Variants in TOPAZ1 observed in about 807,000 individuals in gnomAD.
TOPAZ1 encodes testis and ovary specific TOPAZ 1, also known as protein TOPAZ1.
In TOPAZ1, 66 loss-of-function variants were observed where a neutral mutation model predicts 172.2. The ratio of observed to expected loss-of-function variants is 0.38; its 90% CI spans 0.31 to 0.47. The LOEUF is 0.47. TOPAZ1 is among the 20% of genes least tolerant of loss of function. TOPAZ1 has a pLI of 0.99. For synonymous variants in TOPAZ1, 681 were observed against 683.9 expected (o/e 1.00, Z 0.07); for missense variants, 1,822 against 1,972.4 (o/e 0.92, Z 1.44).
intron 5 of TOPAZ1, among the ~76,000 whole-genome samples, chr3:44,262,969 T>C (rs989081729): frequency 1.3e-5 from 2 of 152,212 alleles, no homozygotes; most frequent in African/African-American, 4.8e-5. Flanking sequence ...GGACAGGTGA[T>C]GGATGCATTT....
chr3:44,313,146 T>A (rs1190480303), intron 16 of TOPAZ1, among the ~76,000 whole-genome samples: 1 of 152,190 alleles, frequency 6.6e-6, no homozygotes, highest in Non-Finnish European at 1.5e-5. Flanking sequence ...TTTTTCAGAT[T>A]TCAGTTGTAA....
intron 16 of TOPAZ1, among the ~76,000 whole-genome samples, chr3:44,312,185 T>A (rs1375250581): frequency 1.3e-5 from 2 of 150,078 alleles, no homozygotes; most frequent in East Asian, 1.9e-4. Context: ...ATGAGGCAGA[T>A]CTGTAAGTGT....
downstream of TOPAZ1, among the ~76,000 whole-genome samples, chr3:44,335,997 A>C (rs1700720394): frequency 6.6e-6 from 1 of 152,208 alleles, no homozygotes. Flanking sequence ...TGGGAATTAA[A>C]ATAAGACCCC....
chr3:44,268,408 C>T (rs1255117520), intron 6 of TOPAZ1, among the ~76,000 whole-genome samples: 1 of 120,808 alleles, frequency 8.3e-6, no homozygotes, highest in Non-Finnish European at 1.6e-5. Context: ...GAGTCTCACT[C>T]TATAGCCCAG....
chr3:44,282,326 G>A (rs1377142091), intron 9 of TOPAZ1, among the ~76,000 whole-genome samples: 1 of 152,160 alleles, frequency 6.6e-6, no homozygotes, highest in African/African-American at 2.4e-5. Context: ...TATCTAAAGG[G>A]ATTTTTCAGA....
chr3:44,326,907 G>C (rs528266512), intron 18 of TOPAZ1, among the ~76,000 whole-genome samples: 1 of 151,960 alleles, frequency 6.6e-6, no homozygotes, highest in African/African-American at 2.4e-5. Flanking sequence ...TTTATTTTCT[G>C]CTTTTTAATT....
At chr3:44,262,934 T>C (rs1167652832) in intron 5 of TOPAZ1, among the ~76,000 whole-genome samples, 1 of 152,182 alleles carries the variant, frequency 6.6e-6, no homozygotes, top group Non-Finnish European at 1.5e-5. Flanking sequence ...CACCCTCATT[T>C]TGCATGTGAG....
chr3:44,253,546 C>CA (rs925306097), intron 2 of TOPAZ1, among the ~76,000 whole-genome samples: 2 of 151,836 alleles, frequency 1.3e-5, no homozygotes, highest in African/African-American at 4.8e-5. Flanking sequence ...ATCTCCCATG[C>CA]AAAAAAGCTG....
At chr3:44,285,670 A>G (rs1700070596) in intron 9 of TOPAZ1, among the ~76,000 whole-genome samples, 1 of 151,442 alleles carries the variant, frequency 6.6e-6, no homozygotes, top group African/African-American at 2.4e-5. Flanking sequence ...CCTGGGTTCA[A>G]GCGATTCTCC....
rs533867154 is a variant in TOPAZ1, at chr3:44,311,525, T to C, written c.4306+1535T>C. 3.3e-5 allele frequency among the ~76,000 whole-genome samples: 5 copies of C among 152,318 alleles called. No individual in the cohort carries two copies. In the South Asian group the frequency reaches 1.0e-3, roughly 32 times the overall value. On this transcript the variant is annotated intron_variant, in intron 16 of 19. Coordinates refer to ENST00000309765, the MANE Select transcript of TOPAZ1 (RefSeq NM_001145030.2). ...AGTTTGTGGGAGAGATGTGGAGTGA[T>C]CTTTGGAGATTTTGTTTTAAATTTC...
chr3:44,309,803 G>A (rs1402448725), intron 15 of TOPAZ1, 22 bp from the exon 16 acceptor site: 7 of 1,430,726 alleles, frequency 4.9e-6, no homozygotes, highest in Non-Finnish European at 6.6e-6. Flanking sequence ...TACCCAATTA[G>A]TGTTCTTTAT....
Position 44,321,120 on chromosome 3 carries a change from T to C in TOPAZ1, c.4400T>C (p.Ile1467Thr). 1 of 1,551,124 alleles carries C rather than the reference T, an allele frequency of 6.4e-7. No individual in the cohort carries two copies. Among genetic ancestry groups the C allele is most frequent in the Non-Finnish European group, 8.7e-7 (1 of 1,146,630 alleles). The change falls in exon 17 of 20, where the codon ATC becomes ACC. Residue 1467 changes from isoleucine (I) to threonine (T), a missense_variant. Transcript: ENST00000309765. ...HNLLCTIAHE[I>T]LAKSLYRQTF... ...TTACTCTGTACAATTGCACATGAAA[T>C]CTTAGCCAAGAGCCTTTATAGACAG...
rs58971114 is a variant in TOPAZ1 at position 44,332,025 on chromosome 3, CTTT to C, written c.*27_*29del. The C allele has an allele frequency of 3.6e-3, 4,672 of 1,315,142 alleles. No homozygotes were observed. The highest frequency in any genetic ancestry group is 5.6e-3 in the South Asian group (380 of 68,432). The allele number at this position is 1,315,142 out of a possible 1,614,324, so 81.5% of individuals were successfully genotyped here. A position where few individuals can be genotyped will look rare whatever the true frequency, so the allele number is the denominator to read the frequency against. On this transcript the variant is annotated 3_prime_UTR_variant, in exon 20 of 20. Coordinates refer to ENST00000309765, the MANE Select transcript of TOPAZ1 (RefSeq NM_001145030.2). ...AGTAACCATTAGCTAATAAAGTCTG[CTTT>C]TTTTTTTTTTTTAGTTCAAGTAATC...
rs1699504300 is a variant in TOPAZ1, at chr3:44,242,955, C to T, written c.449C>T (p.Thr150Ile). The T allele has an allele frequency of 3.9e-6, 6 of 1,550,604 alleles. No individual in the cohort carries two copies. Among genetic ancestry groups the T allele is most frequent in the Admixed American group, 2.0e-5 (1 of 50,858 alleles). Residue 150 changes from threonine (T) to isoleucine (I), a missense_variant, in exon 2 of 20, where the codon ACA becomes ATA. Thr to Ile is a moderately conservative substitution (Grantham distance 89). Coordinates refer to ENST00000309765, the MANE Select transcript of TOPAZ1 (RefSeq NM_001145030.2). ...TTAACCAGTTCGGAATCTTTCCAAACAGTGGAATGCTTGCAGTCTTTGGGT... is the reference window on the plus strand; with the variant it reads ...TTAACCAGTTCGGAATCTTTCCAAATAGTGGAATGCTTGCAGTCTTTGGGT... ...ESLTSSESFQ[T>I]VECLQSLGKE... is the part of the protein sequence containing the mutation.
At chr3:44,312,126 A>T (rs1266793714) in intron 16 of TOPAZ1, among the ~76,000 whole-genome samples, 1 of 152,032 alleles carries the variant, frequency 6.6e-6, no homozygotes, top group Non-Finnish European at 1.5e-5. Flanking sequence ...TTAAATGCTC[A>T]TTAAGGGAAT....
intron 12 of TOPAZ1, among the ~76,000 whole-genome samples, chr3:44,303,255 A>G (rs1700296054): frequency 6.6e-6 from 1 of 152,178 alleles, no homozygotes; most frequent in African/African-American, 2.4e-5. Flanking sequence ...ATGAATTACC[A>G]AAATTGGTGA....
At chr3:44,277,572 A>G (rs752288311) in intron 8 of TOPAZ1, among the ~76,000 whole-genome samples, 3 of 152,122 alleles carry the variant, frequency 2.0e-5, no homozygotes, top group Non-Finnish European at 4.4e-5. Context: ...GTCATTCAGT[A>G]TGATGTTAGC....
intron 12 of TOPAZ1, among the ~76,000 whole-genome samples, chr3:44,297,774 C>A (rs1700216356): frequency 6.6e-6 from 1 of 151,162 alleles, no homozygotes; most frequent in African/African-American, 2.4e-5. Context: ...TCTCCTAGAA[C>A]TAAGGAGTGC....
intron 12 of TOPAZ1, among the ~76,000 whole-genome samples, chr3:44,298,891 T>TTATATATATATATATA (rs201179432): frequency 1.2e-4 from 2 of 17,118 alleles, no homozygotes; most frequent in Non-Finnish European, 1.8e-4. Context: ...TGTATATATA[T>TTATATATATATATATA]TATATATATA....
Sources: gnomAD v4.1 joint callset for allele counts (sites outside exome capture counted in the v4.1 genomes callset) on GRCh38, gnomAD v4.1.1 for gene constraint, MANE v1.5 for transcripts, NCBI Gene and HGNC (gene_info 2026-07-23, HGNC 2026-07-21) for gene names.